The following SLC23A2 variants were observed in gnomAD, a reference collection of about 807,000 sequenced individuals.
The protein encoded by SLC23A2 is Na(+)/L-ascorbic acid transporter 2.
SLC23A2 carries 36 observed loss-of-function variants against 73.3 expected under a neutral mutation model. That is an observed-to-expected ratio of 0.49 (90% confidence interval 0.38 to 0.65). The LOEUF is 0.65. Ranked by LOEUF, SLC23A2 falls within the 30% of genes least tolerant of loss-of-function variation. The pLI, the probability that SLC23A2 is intolerant of heterozygous loss-of-function variation, is 0.00. For missense variants in SLC23A2, 507 were observed against 841.6 expected (o/e 0.60, Z 4.92); for synonymous variants, 343 against 327.3 (o/e 1.05, Z -0.52).
intron 1 of SLC23A2, among the ~76,000 whole-genome samples, chr20:5,008,805 G>A (rs936743612): frequency 1.3e-5 from 2 of 151,918 alleles, no homozygotes; most frequent in African/African-American, 4.8e-5. Flanking sequence ...GGGCTCAAGT[G>A]ACCCTCCCGC....
chr20:5,007,088 A>G (rs2088200014), intron 1 of SLC23A2, among the ~76,000 whole-genome samples: 1 of 152,012 alleles, frequency 6.6e-6, no homozygotes, highest in Non-Finnish European at 1.5e-5. Context: ...TGGCTGAATG[A>G]TCTATGAGAT....
chr20:4,970,106 C>A (rs1031297783), intron 2 of SLC23A2, among the ~76,000 whole-genome samples: 3 of 151,928 alleles, frequency 2.0e-5, no homozygotes, highest in African/African-American at 7.3e-5. Flanking sequence ...AGGTTCCTCA[C>A]GTATAAACCT....
intron 5 of SLC23A2, among the ~76,000 whole-genome samples, chr20:4,900,259 A>C (rs1931697280): frequency 6.6e-6 from 1 of 152,254 alleles, no homozygotes; most frequent in Non-Finnish European, 1.5e-5. Context: ...CTCACAAAGG[A>C]AACAGTCAAT....
chr20:4,878,183 G>C (rs1268612138), intron 9 of SLC23A2, among the ~76,000 whole-genome samples: 1 of 151,882 alleles, frequency 6.6e-6, no homozygotes, highest in African/African-American at 2.4e-5. Flanking sequence ...ATTTTTATGA[G>C]TATTTTCCCA....
chr20:4,937,267 A>G (rs1418777097), intron 2 of SLC23A2, among the ~76,000 whole-genome samples: 1 of 152,162 alleles, frequency 6.6e-6, no homozygotes, highest in Non-Finnish European at 1.5e-5. Flanking sequence ...GTATTAAAAC[A>G]AGAAGCAAAA....
At chr20:4,858,867 C>T (rs1929840987) in intron 16 of SLC23A2, among the ~76,000 whole-genome samples, 1 of 152,146 alleles carries the variant, frequency 6.6e-6, no homozygotes, top group Admixed American at 6.5e-5. Context: ...TGGCTGGAAG[C>T]CCACCTTAGG....
Position 4,912,949 on chromosome 20 carries a change from G to C in SLC23A2, c.138C>G (p.Ser46Arg). ...PVVINGGATS[S>R]GEQDNEDTEL... ...CAGTGTCCTCATTGTCCTGCTCACCGCTGGAGGTGGCGCCTCCATTTATCA... is the reference window on the plus strand; with the variant it reads ...CAGTGTCCTCATTGTCCTGCTCACCCCTGGAGGTGGCGCCTCCATTTATCA... The change falls in exon 4 of 17, where the codon AGC (serine) becomes AGG (arginine). Residue 46 changes from serine (S) to arginine (R), a missense_variant. Coordinates refer to ENST00000338244, the MANE Select transcript of SLC23A2 (RefSeq NM_005116.6). The C allele has an allele frequency of 6.2e-7, 1 of 1,612,596 alleles. No homozygotes were observed. The highest frequency in any genetic ancestry group is 1.1e-5 in the South Asian group (1 of 91,042).
intron 3 of SLC23A2, among the ~76,000 whole-genome samples, chr20:4,922,465 A>G (rs1393785731): frequency 2.0e-5 from 3 of 152,222 alleles, no homozygotes; most frequent in African/African-American, 7.2e-5. Context: ...TAGCAAGAGC[A>G]GAACAAACAA....
At chr20:4,869,631 G>A (rs957618583) in intron 12 of SLC23A2, 11 of 382,338 alleles carry the variant, frequency 2.9e-5, no homozygotes, top group Non-Finnish European at 4.2e-5. Flanking sequence ...CAGTGGTTTC[G>A]CAGAGAGTGT....
At chr20:4,986,085 C>T (rs796410442) in intron 1 of SLC23A2, among the ~76,000 whole-genome samples, 4 of 152,208 alleles carry the variant, frequency 2.6e-5, no homozygotes, top group African/African-American at 9.6e-5. Flanking sequence ...AAATCAAAGG[C>T]CTTACTTAAA....
intron 2 of SLC23A2, 81 bp from the exon 3 acceptor site, chr20:4,932,797 TA>T: frequency 4.4e-6 from 2 of 449,528 alleles, no homozygotes; most frequent in Non-Finnish European, 4.0e-6. Context: ...TCTTGCACAG[TA>T]AAAAAGTCAC....
At chr20:4,977,003 C>T (rs1305244617) in intron 1 of SLC23A2, among the ~76,000 whole-genome samples, 1 of 151,846 alleles carries the variant, frequency 6.6e-6, no homozygotes, top group Middle Eastern at 3.2e-3. Context: ...AATGCATATC[C>T]AATGAAATCA....
In SLC23A2 at chr20:4,998,647, G is replaced by A. The variant is rs1242720936; in HGVS notation, c.-282+2759C>T. Reference sequence around the variant, plus strand: ...GGGCACTGGGAACCAACAGACTGGTGTGTGAGAGTTTTATGGGCAAGGCCA... The same window carrying A: ...GGGCACTGGGAACCAACAGACTGGTATGTGAGAGTTTTATGGGCAAGGCCA... On this transcript the variant is annotated intron_variant, in intron 1 of 16. Coordinates refer to ENST00000338244, the MANE Select transcript of SLC23A2 (RefSeq NM_005116.6). The surrounding 1 kb of genome is among the most constrained non-coding windows in gnomAD (Gnocchi z 4.1). Among the ~76,000 whole-genome samples the A allele has an allele frequency of 3.3e-5, 5 of 152,142 alleles. No homozygotes were observed.
rs560734035 is a variant in SLC23A2, at chr20:4,891,414, C to T, written c.483-5505G>A. Among the ~76,000 whole-genome samples, 92 of 152,214 alleles carry T rather than the reference C, an allele frequency of 6.0e-4. 1 individual carries two copies. In the South Asian group the frequency reaches 0.018, roughly 30 times the overall value. ...AAAGCTAGAGTTGCAGGAACAAAAG[C>T]GAGTAGACCCGCCTTAGAGAACAAG... On this transcript the variant is annotated intron_variant, in intron 6 of 16. Transcript: ENST00000338244.
Position 4,921,601 on chromosome 20 carries a change from C to A in SLC23A2, c.109-8623G>T, listed in dbSNP as rs1187116807. Among the ~76,000 whole-genome samples, 114 of 133,602 alleles carry A rather than the reference C, an allele frequency of 8.5e-4. 1 individual carries two copies. The highest frequency in any genetic ancestry group is 1.9e-3 in the African/African-American group (62 of 33,410). 87.6% of individuals were successfully genotyped at this position (133,602 alleles called of 152,430 possible). A position where few individuals can be genotyped will look rare whatever the true frequency, so the allele number is the denominator to read the frequency against. On this transcript the variant is annotated intron_variant, in intron 3 of 16. Transcript: ENST00000338244. ...ACCCTGTCTCAAACAACAATCACAA[C>A]CAAAAAAAAAAAAAAAAGAAATACA...
At position 4,996,630 on chromosome 20, in the gene SLC23A2, G is replaced by A. The variant is rs531534345; in HGVS notation, c.-282+4776C>T. On this transcript the variant is annotated intron_variant, in intron 1 of 16. Transcript: ENST00000338244. Reference sequence around the variant, plus strand: ...GAACCCGGGAGGCAGAAGTTGCAATGAGCCGAGGTCACACCACTGCACTCC... The same window carrying A: ...GAACCCGGGAGGCAGAAGTTGCAATAAGCCGAGGTCACACCACTGCACTCC... Among the ~76,000 whole-genome samples the A allele has an allele frequency of 5.6e-5, 8 of 141,778 alleles. No homozygotes were observed. In the East Asian group the frequency reaches 1.8e-3, roughly 32 times the overall value. The allele number at this position is 141,778 out of a possible 152,430, so 93.0% of individuals were successfully genotyped here.
At chr20:4,986,146 G>A (rs753344970) in intron 1 of SLC23A2, among the ~76,000 whole-genome samples, 23 of 152,064 alleles carry the variant, frequency 1.5e-4, no homozygotes, top group African/African-American at 1.9e-4. Flanking sequence ...CATGAAATCC[G>A]CATAGAAAAT....
At chr20:4,946,820 T>C (rs2087125532) in intron 2 of SLC23A2, among the ~76,000 whole-genome samples, 1 of 152,188 alleles carries the variant, frequency 6.6e-6, no homozygotes, top group Non-Finnish European at 1.5e-5. Context: ...GAAAGTAAAA[T>C]GTCAGAGTGG....
intron 3 of SLC23A2, among the ~76,000 whole-genome samples, chr20:4,914,588 C>T (rs1388089294): frequency 6.6e-6 from 1 of 151,906 alleles, no homozygotes; most frequent in African/African-American, 2.4e-5. Context: ...CTCATAGAAG[C>T]TTATCCTCTA....
Sources: gnomAD v4.1 joint callset for allele counts (sites outside exome capture counted in the v4.1 genomes callset) on GRCh38, gnomAD v4.1.1 for gene constraint, Gnocchi (gnomAD v3.1) non-coding constraint, MANE v1.5 for transcripts, NCBI Gene and HGNC (gene_info 2026-07-23, HGNC 2026-07-21) for gene names.